The following CFL1 variants were observed in gnomAD, a reference collection of about 807,000 sequenced individuals.
CFL1 encodes cofilin-1.
A neutral mutation model predicts 16.3 loss-of-function variants in CFL1; 2 were observed. That is an observed-to-expected ratio of 0.12 (90% CI 0.05 to 0.39). The LOEUF (loss-of-function observed/expected upper bound fraction) is 0.39, where lower values mean the gene tolerates loss of function less well. Ranked by LOEUF, CFL1 falls within the 10% of genes least tolerant of loss-of-function variation. The pLI, the probability that CFL1 is intolerant of heterozygous loss-of-function variation, is 0.99. For missense variants in CFL1, 75 were observed against 212.2 expected (o/e 0.35, Z 4.02); for synonymous variants, 111 against 84.4 (o/e 1.31, Z -1.73).
chr11:65,858,037 C>A, intron 1 of CFL1, 60 bp downstream of exon 1: 1 of 1,511,812 alleles, frequency 6.6e-7, no homozygotes, highest in Non-Finnish European at 8.9e-7. Flanking sequence ...CCAGTCGCTT[C>A]CCGCGCGCAG....
chr11:65,858,165 C>T lies in CFL1; in HGVS notation c.-66G>A. ...AAGACGAGAGCGCTGCAGCCGCTGC[C>T]GGGACCCGACTGAACGCGGCCTCTC... is the stretch of plus-strand genomic sequence containing the variant. On this transcript the variant is annotated 5_prime_UTR_variant, in exon 1 of 4. Coordinates refer to ENST00000308162, the MANE Select transcript of CFL1 (RefSeq NM_005507.3). The T allele has an allele frequency of 2.0e-6, 3 of 1,495,802 alleles. No individual in the cohort carries two copies. The highest frequency in any genetic ancestry group is 1.5e-5 in the African/African-American group (1 of 68,878). 92.7% of individuals were successfully genotyped at this position (1,495,802 alleles called of 1,614,324 possible).
At chr11:65,855,549 G>C in intron 3 of CFL1, 101 bp from the exon 4 acceptor site, 4 of 1,550,466 alleles carry the variant, frequency 2.6e-6, no homozygotes, top group South Asian at 1.1e-5. Context: ...GAAGGAACAA[G>C]CAGGCAGCGA....
rs1049294882 is a variant in CFL1 at position 65,858,145 on chromosome 11, G to C, written c.-46C>G. The C allele has an allele frequency of 2.6e-6, 4 of 1,517,302 alleles. No homozygotes were observed. Among genetic ancestry groups the C allele is most frequent in the East Asian group, 5.4e-5 (2 of 36,734 alleles). The allele number at this position is 1,517,302 out of a possible 1,614,324, so 94.0% of individuals were successfully genotyped here. ...GAGGGCACCGAGAGCCGCAGAAGACGAGAGCGCTGCAGCCGCTGCCGGGAC... is the reference window on the plus strand; with the variant it reads ...GAGGGCACCGAGAGCCGCAGAAGACCAGAGCGCTGCAGCCGCTGCCGGGAC... On this transcript the variant is annotated 5_prime_UTR_variant, in exon 1 of 4. Coordinates refer to ENST00000308162, the MANE Select transcript of CFL1 (RefSeq NM_005507.3).
intron 1 of CFL1, chr11:65,857,209 G>A: frequency 4.3e-6 from 1 of 231,090 alleles, no homozygotes; most frequent in Non-Finnish European, 9.4e-6. Context: ...GCCTGGGCAA[G>A]CTACATAACC....
intron 1 of CFL1, 157 bp downstream of exon 1, chr11:65,857,940 G>C (rs1591048272): frequency 5.9e-6 from 4 of 674,346 alleles, no homozygotes; most frequent in Non-Finnish European, 8.6e-6. Flanking sequence ...CCACGGGCGC[G>C]CACGCGCATT....
At chr11:65,857,975 G>T in intron 1 of CFL1, 122 bp downstream of exon 1, 1 of 1,086,550 alleles carries the variant, frequency 9.2e-7, no homozygotes, top group Non-Finnish European at 1.2e-6. Flanking sequence ...CCCTTCGTGC[G>T]AGACCCTCAT....
chr11:65,855,647 C>A lies in CFL1; in HGVS notation c.388+7G>T, dbSNP rs1177470794. On this transcript the variant is annotated splice_region_variant and intron_variant, in intron 3 of 3. Transcript: ENST00000308162. Reference sequence around the variant, plus strand: ...GAAGGGCACTCAGCACCAATGCTGGCCCTTACCTGTCAGCTTCTTCTTGAT... The same window carrying A: ...GAAGGGCACTCAGCACCAATGCTGGACCTTACCTGTCAGCTTCTTCTTGAT... The A allele has an allele frequency of 1.1e-5, 17 of 1,566,422 alleles. No individual in the cohort carries two copies. The highest frequency in any genetic ancestry group is 1.4e-5 in the Non-Finnish European group (16 of 1,157,232).
intron 1 of CFL1, chr11:65,856,526 A>C (rs756812864): frequency 1.3e-4 from 52 of 386,236 alleles, no homozygotes; most frequent in Non-Finnish European, 2.2e-4. Context: ...TGAACCCAGA[A>C]TTAAAAGATC....
intron 3 of CFL1, 47 bp downstream of exon 3, chr11:65,855,607 G>A (rs2134706809): frequency 6.4e-7 from 1 of 1,557,784 alleles, no homozygotes; most frequent in Non-Finnish European, 8.7e-7. Flanking sequence ...CTGCCCTGCA[G>A]CCAAGGCCAG....
chr11:65,855,834 T>C (rs1591046763), intron 2 of CFL1, 101 bp downstream of exon 2: 4 of 1,488,664 alleles, frequency 2.7e-6, no homozygotes, highest in Non-Finnish European at 3.7e-6. Context: ...TACAACCCCC[T>C]CCCCCTCCAA....
Position 65,856,795 on chromosome 11 carries a change from T to C in CFL1, c.4-553A>G, listed in dbSNP as rs79486948. Reference sequence around the variant, plus strand: ...GGCTCTTTCCCAACCAAGACAAGAATTGCAACCCCCATTAAGGACCCTGCC... The same window carrying C: ...GGCTCTTTCCCAACCAAGACAAGAACTGCAACCCCCATTAAGGACCCTGCC... On this transcript the variant is annotated intron_variant, in intron 1 of 3. Coordinates refer to ENST00000308162, the MANE Select transcript of CFL1 (RefSeq NM_005507.3). The C allele has an allele frequency of 5.6e-3, 867 of 155,720 alleles. 2 individuals carry two copies. Among genetic ancestry groups the C allele is most frequent in the Middle Eastern group, 0.01 (3 of 296 alleles). The allele number at this position is 155,720 out of a possible 1,614,324, so 9.6% of individuals were successfully genotyped here. A position where few individuals can be genotyped will look rare whatever the true frequency, so the allele number is the denominator to read the frequency against.
In CFL1 at chr11:65,856,172, G is replaced by T. The variant is rs1276600978; in HGVS notation, c.74C>A (p.Thr25Lys). The change falls in exon 2 of 4, where the codon ACG (threonine) becomes AAG (lysine). Residue 25 changes from threonine to lysine, a missense_variant. Coordinates refer to ENST00000308162, the MANE Select transcript of CFL1 (RefSeq NM_005507.3). ...FNDMKVRKSSTPEEVKKRKKA... is the reference protein window; with the variant it reads ...FNDMKVRKSSKPEEVKKRKKA... ...CTTGCGCTTCTTCACCTCCTCTGGC[G>T]TTGAAGACTTACGCACCTTCATGTC... The T allele has an allele frequency of 1.2e-6, 2 of 1,614,136 alleles. No homozygotes were observed. Among genetic ancestry groups the T allele is most frequent in the Non-Finnish European group, 1.7e-6 (2 of 1,180,034 alleles).
At chr11:65,858,015 G>A in intron 1 of CFL1, 82 bp downstream of exon 1, 1 of 1,427,540 alleles carries the variant, frequency 7.0e-7, no homozygotes, top group Non-Finnish European at 9.4e-7. Flanking sequence ...GAGGGGGTGC[G>A]GACGTCGCTC....
At chr11:65,857,776 G>A (rs569792331) in intron 1 of CFL1, 79 of 192,726 alleles carry the variant, frequency 4.1e-4, no homozygotes, top group African/African-American at 1.1e-3. Context: ...CCCCTAAGAA[G>A]AAAGGCGCGA....
At chr11:65,855,591 T>G in intron 3 of CFL1, 63 bp downstream of exon 3, 1 of 1,558,754 alleles carries the variant, frequency 6.4e-7, no homozygotes, top group Admixed American at 1.7e-5. Flanking sequence ...CTGCGTGCCA[T>G]TCACCCTGCC....
chr11:65,855,031 G>C lies in CFL1; in HGVS notation c.*305C>G, dbSNP rs1304563419. 2.8e-6 allele frequency: 1 copy of C among 361,060 alleles called. No individual in the cohort carries two copies. Among genetic ancestry groups the C allele is most frequent in the Non-Finnish European group, 5.3e-6 (1 of 189,070 alleles). The allele number at this position is 361,060 out of a possible 1,614,324, so 22.4% of individuals were successfully genotyped here. A position where few individuals can be genotyped will look rare whatever the true frequency, so the allele number is the denominator to read the frequency against. ...AAGGGGGAGGACCAGGTGGGGAATG[G>C]GGATGTTGTTAAAAAAAATACAGGC... is the stretch of plus-strand genomic sequence containing the variant. On this transcript the variant is annotated 3_prime_UTR_variant, in exon 4 of 4. Coordinates refer to ENST00000308162, the MANE Select transcript of CFL1 (RefSeq NM_005507.3).
chr11:65,857,915 G>C, intron 1 of CFL1, 182 bp downstream of exon 1: 4 of 462,568 alleles, frequency 8.6e-6, no homozygotes, highest in Non-Finnish European at 1.4e-5. Flanking sequence ...CGTCCAGACC[G>C]GCCCTCCCCG....
Position 65,855,010 on chromosome 11 carries a change from G to C in CFL1, c.*326C>G. ...GTTAGAAGTTGGCAGCATGGGAAGG[G>C]GGAGGACCAGGTGGGGAATGGGGAT... On this transcript the variant is annotated 3_prime_UTR_variant, in exon 4 of 4. Coordinates refer to ENST00000308162, the MANE Select transcript of CFL1 (RefSeq NM_005507.3). 3.0e-6 allele frequency: 1 copy of C among 328,600 alleles called. No individual in the cohort carries two copies. Among genetic ancestry groups the C allele is most frequent in the South Asian group, 2.9e-5 (1 of 34,396 alleles). 20.4% of individuals were successfully genotyped at this position (328,600 alleles called of 1,614,324 possible). A position where few individuals can be genotyped will look rare whatever the true frequency, so the allele number is the denominator to read the frequency against.
In CFL1 at chr11:65,855,662, T is replaced by C. The variant is rs765868917; in HGVS notation, c.380A>G (p.Lys127Arg). Residue 127 changes from lysine (K) to arginine (R), a missense_variant, in exon 3 of 4, where the codon AAG becomes AGG. Physicochemically the swap from Lys to Arg is conservative, Grantham distance 26 (BLOSUM62 2). Transcript: ENST00000308162. ...CCAATGCTGGCCCTTACCTGTCAGC[T>C]TCTTCTTGATGGCGTCCTTGGAGCT... ...YASSKDAIKKKLTGIKHELQA... is the reference protein window; with the variant it reads ...YASSKDAIKKRLTGIKHELQA... 1.3e-6 allele frequency: 2 copies of C among 1,570,858 alleles called. No individual in the cohort carries two copies. Among genetic ancestry groups the C allele is most frequent in the Admixed American group, 1.9e-5 (1 of 53,192 alleles).
Sources: gnomAD v4.1 joint callset for allele counts on GRCh38, gnomAD v4.1.1 for gene constraint, MANE v1.5 for transcripts, NCBI Gene and HGNC (gene_info 2026-07-23, HGNC 2026-07-21) for gene names.